The following NOS1 variants were observed in gnomAD, a reference collection of about 807,000 sequenced individuals.
NOS1 encodes the protein NOS type I.
NOS1 carries 51 observed loss-of-function variants against 164.5 expected under a neutral mutation model. The ratio of observed to expected loss-of-function variants is 0.31; its 90% CI spans 0.25 to 0.39. The LOEUF is 0.39. NOS1 is among the 10% of genes least tolerant of loss of function. NOS1 has a pLI of 1.00. For synonymous variants in NOS1, 719 were observed against 745.8 expected, an observed-to-expected ratio of 0.96 and a Z score of 0.59; for missense variants, 1,362 against 1,885.6, an observed-to-expected ratio of 0.72 and a Z score of 5.14.
chr12:117,296,540 G>C (rs1437609535), intron 3 of NOS1, among the ~76,000 whole-genome samples: 1 of 152,196 alleles, frequency 6.6e-6, no homozygotes, highest in African/African-American at 2.4e-5. Context: ...TTGAACATTG[G>C]ACTCCAAGTT....
chr12:117,220,936 G>A (rs1297498052), intron 26 of NOS1, among the ~76,000 whole-genome samples: 2 of 151,802 alleles, frequency 1.3e-5, no homozygotes, highest in African/African-American at 2.4e-5. Context: ...TGGCTGTAGC[G>A]ACTCTTAAGA....
chr12:117,217,279 C>T (rs180860313), intron 28 of NOS1, among the ~76,000 whole-genome samples: 3 of 152,136 alleles, frequency 2.0e-5, no homozygotes, highest in African/African-American at 4.8e-5. Context: ...GCTCCAGGGG[C>T]GATCCCATTC....
intron 2 of NOS1, among the ~76,000 whole-genome samples, chr12:117,314,957 AG>A (rs1374842354): frequency 6.6e-6 from 1 of 152,228 alleles, no homozygotes; most frequent in Non-Finnish European, 1.5e-5. Context: ...GAGGCTACAG[AG>A]CAAGTAACCC....
chr12:117,258,258 C>T, intron 16 of NOS1, 139 bp downstream of exon 16: 2 of 823,978 alleles, frequency 2.4e-6, no homozygotes, highest in Non-Finnish European at 4.0e-6. Context: ...CTGCAGACAC[C>T]TCACAACTAA....
At chr12:117,304,258 G>A (rs1593007353) in intron 3 of NOS1, among the ~76,000 whole-genome samples, 3 of 151,852 alleles carry the variant, frequency 2.0e-5, no homozygotes, top group Admixed American at 6.6e-5. Flanking sequence ...GATCCTTAGC[G>A]AAAAAAATAA....
intron 1 of NOS1, 76 bp from the exon 2 acceptor site, chr12:117,331,565 A>G (rs1156379112): frequency 6.5e-6 from 1 of 153,628 alleles, no homozygotes; most frequent in Non-Finnish European, 1.4e-5. Flanking sequence ...CACCACCTTG[A>G]AAACTGAGAT....
chr12:117,247,357 C>T lies in NOS1; in HGVS notation c.2814G>A (p.Lys938=). 6.3e-7 allele frequency: 1 copy of T among 1,598,672 alleles called. No homozygotes were observed. The highest frequency in any genetic ancestry group is 8.5e-7 in the Non-Finnish European group (1 of 1,173,390). ...QEEAFRTWAK[K]VFKAACDVFC... ...ATGAGATCCAGATTACCTTGAAGACCTTCTTGGCCCAGGTCCTGAAAGCCT... is the reference window on the plus strand; with the variant it reads ...ATGAGATCCAGATTACCTTGAAGACTTTCTTGGCCCAGGTCCTGAAAGCCT... Residue 938 remains lysine, a synonymous_variant, in exon 18 of 29, where the codon AAG becomes AAA. Transcript: ENST00000317775.
chr12:117,316,599 C>T (rs1023818611), intron 2 of NOS1, among the ~76,000 whole-genome samples: 8 of 152,110 alleles, frequency 5.3e-5, no homozygotes, highest in Admixed American at 1.3e-4. Context: ...TGTATATTTC[C>T]ATTTAGAACT....
At chr12:117,226,111 T>C (rs1868651615) in intron 24 of NOS1, among the ~76,000 whole-genome samples, 1 of 152,212 alleles carries the variant, frequency 6.6e-6, no homozygotes, top group Non-Finnish European at 1.5e-5. Context: ...TTTGGATCAT[T>C]ATCAATGGCA....
intron 1 of NOS1, among the ~76,000 whole-genome samples, chr12:117,359,876 TTATA>T (rs56787288): frequency 1.1e-3 from 40 of 36,914 alleles, no homozygotes; most frequent in South Asian, 2.2e-3. Flanking sequence ...AATAATGGTT[TTATA>T]TATATATATA....
At chr12:117,291,050 T>C (rs1873023816) in intron 3 of NOS1, among the ~76,000 whole-genome samples, 2 of 151,820 alleles carry the variant, frequency 1.3e-5, no homozygotes, top group African/African-American at 4.8e-5. Flanking sequence ...TTGTCTCTAT[T>C]AAAAAATACA....
chr12:117,337,419 C>G (rs1875888711), intron 1 of NOS1, among the ~76,000 whole-genome samples: 1 of 151,944 alleles, frequency 6.6e-6, no homozygotes, highest in Non-Finnish European at 1.5e-5. Context: ...CCCGGCCGCG[C>G]TTTTTACTCT....
intron 1 of NOS1, among the ~76,000 whole-genome samples, chr12:117,335,514 T>G (rs573988023): frequency 6.6e-6 from 1 of 152,266 alleles, no homozygotes; most frequent in African/African-American, 2.4e-5. Flanking sequence ...CGGGGATGGC[T>G]GCCAATGAGA....
intron 17 of NOS1, among the ~76,000 whole-genome samples, chr12:117,249,565 G>A (rs1342524373): frequency 1.3e-5 from 2 of 152,174 alleles, no homozygotes; most frequent in African/African-American, 4.8e-5. Flanking sequence ...AGAAGAAATT[G>A]TCATCAACAC....
intron 2 of NOS1, among the ~76,000 whole-genome samples, chr12:117,325,191 G>A (rs1875183221): frequency 6.6e-6 from 1 of 152,122 alleles, no homozygotes; most frequent in Non-Finnish European, 1.5e-5. Flanking sequence ...CAGTGCTGAT[G>A]CCCACCCCGA....
intron 2 of NOS1, among the ~76,000 whole-genome samples, chr12:117,316,278 C>G (rs966924330): frequency 6.6e-6 from 1 of 152,072 alleles, no homozygotes; most frequent in African/African-American, 2.4e-5. Flanking sequence ...CACTCAGATA[C>G]TTTCTGAGCT....
intron 8 of NOS1, 65 bp downstream of exon 8, chr12:117,280,660 A>G: frequency 1.4e-6 from 1 of 722,960 alleles, no homozygotes; most frequent in Admixed American, 3.5e-5. Context: ...AAGCCCGAAA[A>G]AGTCTGTGGT....
intron 16 of NOS1, among the ~76,000 whole-genome samples, chr12:117,258,125 T>G (rs545672800): frequency 2.6e-5 from 4 of 152,304 alleles, no homozygotes; most frequent in South Asian, 4.1e-4. Context: ...ACATCTAGTT[T>G]GTGATTTGAT....
chr12:117,231,312 T>C, intron 22 of NOS1, among the ~76,000 whole-genome samples: 1 of 150,800 alleles, frequency 6.6e-6, no homozygotes, highest in South Asian at 2.1e-4. Context: ...AGTGAGACTC[T>C]GTCTCAGAGA....
Sources: allele counts gnomAD v4.1 joint callset (sites outside exome capture counted in the v4.1 genomes callset), GRCh38; gene constraint gnomAD v4.1.1; transcripts MANE v1.5; gene names NCBI Gene and HGNC (gene_info 2026-07-23, HGNC 2026-07-21).